The following SOX5 variants were observed in gnomAD, a reference collection of about 807,000 sequenced individuals.
SOX5 encodes transcription factor SOX-5.
A neutral mutation model predicts 92.0 loss-of-function variants in SOX5; 9 were observed. That is an observed-to-expected ratio of 0.10 (90% CI 0.06 to 0.17). The LOEUF (loss-of-function observed/expected upper bound fraction) is 0.17. Among genes scored for constraint, SOX5 ranks in the 10% least tolerant of loss-of-function variants. The pLI is 1.00. For synonymous variants in SOX5, 344 were observed against 336.3 expected (o/e 1.02, Z -0.25); for missense variants, 642 against 944.5 (o/e 0.68, Z 4.20).
intron 4 of SOX5, among the ~76,000 whole-genome samples, chr12:24,144,132 G>T (rs2138707344): frequency 6.6e-6 from 1 of 151,996 alleles, no homozygotes; most frequent in Non-Finnish European, 1.5e-5. Flanking sequence ...CATGACAGCA[G>T]ATTTCTCATC....
At chr12:24,414,922 C>G (rs1964757065) in intron 1 of SOX5, among the ~76,000 whole-genome samples, 1 of 152,092 alleles carries the variant, frequency 6.6e-6, no homozygotes, top group Non-Finnish European at 1.5e-5. Context: ...CCCCAGCACA[C>G]TTACAGCAGT....
At chr12:24,148,503 AAG>A (rs1276614612) in intron 4 of SOX5, among the ~76,000 whole-genome samples, 3,117 of 95,398 alleles carry the variant, frequency 0.033, 762 homozygotes, top group Middle Eastern at 0.093. Flanking sequence ...AAAAAAAAAA[AAG>A]AGAGAGAGAG....
intron 1 of SOX5, among the ~76,000 whole-genome samples, chr12:24,460,055 A>G (rs1443198959): frequency 6.6e-6 from 1 of 152,174 alleles, no homozygotes; most frequent in Non-Finnish European, 1.5e-5. Context: ...GTAGTGAAGG[A>G]GTTTCTCATC....
intron 4 of SOX5, among the ~76,000 whole-genome samples, chr12:23,978,273 T>A (rs977508568): frequency 6.6e-6 from 1 of 152,248 alleles, no homozygotes; most frequent in East Asian, 1.9e-4. Flanking sequence ...TCAACACTTA[T>A]GTCTTCATCT....
rs150155865 is a variant in SOX5, at chr12:23,733,607, C to T, written c.810+1077G>A. 7.7e-3 allele frequency among the ~76,000 whole-genome samples: 1,171 copies of T among 152,196 alleles called. 13 individuals carry two copies. The highest frequency in any genetic ancestry group is 0.027 in the African/African-American group (1,119 of 41,532). On this transcript the variant is annotated intron_variant, in intron 6 of 14. Transcript: ENST00000451604. ...GAAAGAAGGAACAGTGATAGGTCTG[C>T]TAAATCCATCAAAATTAGGTGCGCC...
chr12:24,228,617 A>G (rs1962622185), intron 3 of SOX5, among the ~76,000 whole-genome samples: 1 of 152,102 alleles, frequency 6.6e-6, no homozygotes, highest in African/African-American at 2.4e-5. Flanking sequence ...GCTATATAGT[A>G]CTGGCATCTT....
chr12:24,330,007 A>G (rs1216726640), intron 2 of SOX5, among the ~76,000 whole-genome samples: 1 of 152,226 alleles, frequency 6.6e-6, no homozygotes, highest in Non-Finnish European at 1.5e-5. Context: ...TGGGCAACAG[A>G]GTGAGACTCT....
chr12:23,595,618 CAAAAAAAAA>C (rs747265656), intron 9 of SOX5, among the ~76,000 whole-genome samples: 10 of 46,310 alleles, frequency 2.2e-4, no homozygotes, highest in African/African-American at 4.5e-4. Context: ...GACTCTGCCT[CAAAAAAAAA>C]AAAAAAAAAA....
chr12:24,549,787 T>C (rs1952974336), intron 1 of SOX5, among the ~76,000 whole-genome samples: 1 of 152,098 alleles, frequency 6.6e-6, no homozygotes, highest in South Asian at 2.1e-4. Flanking sequence ...GTCGCATCCA[T>C]GTGTGGTACC....
intron 1 of SOX5, among the ~76,000 whole-genome samples, chr12:24,458,719 C>A (rs906177499): frequency 1.3e-5 from 2 of 152,138 alleles, no homozygotes; most frequent in Non-Finnish European, 2.9e-5. Context: ...CCACCCTAGG[C>A]CTTTTGAATC....
intron 3 of SOX5, among the ~76,000 whole-genome samples, chr12:24,253,546 T>C (rs1565758735): frequency 6.6e-6 from 1 of 152,150 alleles, no homozygotes. Flanking sequence ...AACAAGAGCA[T>C]AGTTACTATT....
chr12:23,591,173 G>C (rs1047676229), intron 9 of SOX5, among the ~76,000 whole-genome samples: 1 of 151,866 alleles, frequency 6.6e-6, no homozygotes, highest in African/African-American at 2.4e-5. Context: ...TATTACTGCA[G>C]TTAAAAAAAT....
intron 4 of SOX5, among the ~76,000 whole-genome samples, chr12:23,748,735 T>C (rs2094083471): frequency 6.6e-6 from 1 of 152,018 alleles, no homozygotes; most frequent in African/African-American, 2.4e-5. Context: ...ACTACTAGTG[T>C]TACAATTTGA....
intron 4 of SOX5, among the ~76,000 whole-genome samples, chr12:23,960,135 G>T (rs1382463703): frequency 6.6e-6 from 1 of 152,068 alleles, no homozygotes; most frequent in South Asian, 2.1e-4. Flanking sequence ...GAATTGGAGA[G>T]AAACGGACCC....
At chr12:24,072,841 T>G (rs541472745) in intron 4 of SOX5, among the ~76,000 whole-genome samples, 3 of 152,356 alleles carry the variant, frequency 2.0e-5, no homozygotes, top group African/African-American at 7.2e-5. Context: ...CAAACTGTAC[T>G]TGGACATTTA....
chr12:24,341,900 G>A (rs79577712), intron 2 of SOX5, among the ~76,000 whole-genome samples: 47 of 152,270 alleles, frequency 3.1e-4, no homozygotes, highest in Middle Eastern at 3.4e-3. Flanking sequence ...CACCTCCTCC[G>A]TTGGTTGCTC....
At chr12:23,846,859 A>G (rs1017237106) in intron 2 of SOX5, among the ~76,000 whole-genome samples, 1 of 152,168 alleles carries the variant, frequency 6.6e-6, no homozygotes, top group African/African-American at 2.4e-5. Flanking sequence ...ACAGTTTGTC[A>G]ACACTCTTTG....
intron 4 of SOX5, among the ~76,000 whole-genome samples, chr12:24,010,817 T>C (rs1220513440): frequency 2.6e-5 from 4 of 152,020 alleles, no homozygotes; most frequent in African/African-American, 9.7e-5. Flanking sequence ...CACATGCCTG[T>C]AGTCCCAGCT....
chr12:24,262,348 T>C (rs1454126364), intron 3 of SOX5, among the ~76,000 whole-genome samples: 2 of 152,236 alleles, frequency 1.3e-5, no homozygotes, highest in African/African-American at 2.4e-5. Flanking sequence ...TCTCCTTGCC[T>C]GTCTGCCTTA....
Sources: gnomAD v4.1 joint callset for allele counts (sites outside exome capture counted in the v4.1 genomes callset) on GRCh38, gnomAD v4.1.1 for gene constraint, MANE v1.5 for transcripts, NCBI Gene and HGNC (gene_info 2026-07-23, HGNC 2026-07-21) for gene names.